The following SLC25A33 variants were observed in gnomAD, a reference collection of about 807,000 sequenced individuals.
SLC25A33 encodes solute carrier family 25 member 33, also known as bone marrow stromal cell mitochondrial carrier protein.
In SLC25A33, 15 loss-of-function variants were observed where a neutral mutation model predicts 35.5. The ratio of observed to expected loss-of-function variants is 0.42; its 90% confidence interval spans 0.28 to 0.65. The LOEUF (loss-of-function observed/expected upper bound fraction) is 0.65. Ranked by LOEUF, SLC25A33 falls within the 30% of genes least tolerant of loss-of-function variation. The pLI, the probability that SLC25A33 is intolerant of heterozygous loss-of-function variation, is 0.20. For missense variants in SLC25A33, 257 were observed against 398.5 expected, an observed-to-expected ratio of 0.64 and a Z score of 3.02; for synonymous variants, 136 against 148.7, an observed-to-expected ratio of 0.91 and a Z score of 0.62.
intron 1 of SLC25A33, among the ~76,000 whole-genome samples, chr1:9,545,309 G>A (rs756378972): frequency 4.6e-5 from 7 of 151,910 alleles, no homozygotes; most frequent in Admixed American, 6.6e-5. Context: ...TCTGCCTCCC[G>A]GCTTCAAGTG....
intron 1 of SLC25A33, among the ~76,000 whole-genome samples, chr1:9,548,079 T>C (rs1166296970): frequency 1.3e-5 from 2 of 152,096 alleles, no homozygotes; most frequent in Non-Finnish European, 2.9e-5. Flanking sequence ...TTCACCATGT[T>C]GCCCAAGCTG....
chr1:9,569,066 T>G (rs1471366597), intron 3 of SLC25A33, among the ~76,000 whole-genome samples: 1 of 151,726 alleles, frequency 6.6e-6, no homozygotes, highest in Non-Finnish European at 1.5e-5. Flanking sequence ...GCCAACATAG[T>G]GAAACCCCAT....
chr1:9,565,435 G>A (rs1643486979), intron 2 of SLC25A33, among the ~76,000 whole-genome samples: 1 of 151,642 alleles, frequency 6.6e-6, no homozygotes, highest in Non-Finnish European at 1.5e-5. Context: ...AGAATGGCAT[G>A]AACCTGGGAG....
chr1:9,543,260 C>A (rs1643121126), intron 1 of SLC25A33, among the ~76,000 whole-genome samples: 1 of 152,118 alleles, frequency 6.6e-6, no homozygotes, highest in South Asian at 2.1e-4. Flanking sequence ...TCTCTTGCCT[C>A]AGCCTCCTGA....
chr1:9,551,736 C>T (rs1031260153), intron 1 of SLC25A33, among the ~76,000 whole-genome samples: 4 of 152,058 alleles, frequency 2.6e-5, no homozygotes, highest in South Asian at 2.1e-4. Context: ...AAGACATTTT[C>T]GTTGAAATCT....
At chr1:9,564,467 C>G (rs1187059673) in intron 2 of SLC25A33, among the ~76,000 whole-genome samples, 2 of 152,012 alleles carry the variant, frequency 1.3e-5, no homozygotes, top group Non-Finnish European at 2.9e-5. Flanking sequence ...TATTTGTACA[C>G]CCATGTTTAT....
chr1:9,564,739 A>AAAAAATATATAT (rs60174872), intron 2 of SLC25A33, among the ~76,000 whole-genome samples: 11 of 96,580 alleles, frequency 1.1e-4, no homozygotes, highest in African/African-American at 4.9e-4. Flanking sequence ...AAAAAAAAAA[A>AAAAAATATATAT]ATATATATAT....
rs1569886823 is a variant in SLC25A33, at chr1:9,584,076, G to T, written c.*1575G>T. 6.6e-6 allele frequency: 1 copy of T among 151,732 alleles called. No individual in the cohort carries two copies. The highest frequency in any genetic ancestry group is 1.5e-5 in the Non-Finnish European group (1 of 67,988). 9.4% of individuals were successfully genotyped at this position (151,732 alleles called of 1,614,324 possible). On this transcript the variant is annotated 3_prime_UTR_variant, in exon 7 of 7. Coordinates refer to ENST00000302692, the MANE Select transcript of SLC25A33 (RefSeq NM_032315.3). Reference sequence around the variant, plus strand: ...GGGAACAAAAAGATGATACTAAGAAGAAGGCAAGTAAAACCCCTAGTCTTC... The same window carrying T: ...GGGAACAAAAAGATGATACTAAGAATAAGGCAAGTAAAACCCCTAGTCTTC...
At chr1:9,581,810 A>C (rs1246552795) in intron 6 of SLC25A33, among the ~76,000 whole-genome samples, 2 of 152,158 alleles carry the variant, frequency 1.3e-5, no homozygotes, top group East Asian at 3.8e-4. Flanking sequence ...GAGTTGGAAA[A>C]GGTTCTAAAA....
rs993545634 is a variant in SLC25A33, at chr1:9,582,071, T to A, written c.764-228T>A. On this transcript the variant is annotated intron_variant, in intron 6 of 6. Coordinates refer to ENST00000302692, the MANE Select transcript of SLC25A33 (RefSeq NM_032315.3). This position sits in a 1 kb window ranked among gnomAD's most constrained non-coding sequence, Gnocchi z 4.0. Reference sequence around the variant, plus strand: ...CTCTAGTAGTAGGCGTGCACCACCTTGCCTGGCTAATTTTTGTTTTTCAGT... The same window carrying A: ...CTCTAGTAGTAGGCGTGCACCACCTAGCCTGGCTAATTTTTGTTTTTCAGT... Among the ~76,000 whole-genome samples the A allele has an allele frequency of 6.6e-6, 1 of 152,076 alleles. No individual in the cohort carries two copies. Among genetic ancestry groups the A allele is most frequent in the Non-Finnish European group, 1.5e-5 (1 of 68,008 alleles).
intron 5 of SLC25A33, chr1:9,576,416 C>CAT: frequency 2.7e-6 from 1 of 367,302 alleles, no homozygotes; most frequent in South Asian, 2.1e-5. Flanking sequence ...TTTGCCGTGT[C>CAT]TACTGTGAAA....
chr1:9,546,635 G>C (rs570910499), intron 1 of SLC25A33, among the ~76,000 whole-genome samples: 1 of 152,240 alleles, frequency 6.6e-6, no homozygotes, highest in South Asian at 2.1e-4. Flanking sequence ...ATTTATGTTA[G>C]TAAAACTCTT....
Position 9,579,946 on chromosome 1 carries a change from T to C in SLC25A33, c.483-8T>C. 3 of 1,609,478 alleles carry C rather than the reference T, an allele frequency of 1.9e-6. No homozygotes were observed. The highest frequency in any genetic ancestry group is 2.5e-6 in the Non-Finnish European group (3 of 1,178,194). On this transcript the variant is annotated splice_region_variant and splice_polypyrimidine_tract_variant and intron_variant, in intron 5 of 6. Coordinates refer to ENST00000302692, the MANE Select transcript of SLC25A33 (RefSeq NM_032315.3). ...CCTTAACAGCCTGTGTTGGTCTCTT[T>C]TATGCAGAGTGAGGGGCTCTAAGCA...
chr1:9,566,665 G>T (rs1643510407), intron 2 of SLC25A33, among the ~76,000 whole-genome samples: 1 of 151,980 alleles, frequency 6.6e-6, no homozygotes, highest in Non-Finnish European at 1.5e-5. Flanking sequence ...TGACCAGCAT[G>T]GAGAAACCCC....
rs905781581 is a variant in SLC25A33, at chr1:9,539,719, A to G, written c.28A>G (p.Asn10Asp). Residue 10 changes from asparagine to aspartate, a missense_variant, in exon 1 of 7, where the codon AAC (asparagine) becomes GAC (aspartate). Physicochemically the swap from Asn to Asp is conservative, Grantham distance 23. Transcript: ENST00000302692. ...GGCGACGGGCGGCCAGCAGAAGGAG[A>G]ACACGCTGCTTCACCTCTTCGCCGG... MATGGQQKE[N>D]TLLHLFAGGC... The G allele has an allele frequency of 6.4e-6, 9 of 1,409,522 alleles. No homozygotes were observed. The highest frequency in any genetic ancestry group is 7.4e-6 in the Non-Finnish European group (8 of 1,080,878). 87.3% of individuals were successfully genotyped at this position (1,409,522 alleles called of 1,614,324 possible).
chr1:9,580,065 C>T lies in SLC25A33; in HGVS notation c.594C>T (p.Ser198=), dbSNP rs1456644365. 3.1e-6 allele frequency: 5 copies of T among 1,612,880 alleles called. No individual in the cohort carries two copies. The highest frequency in any genetic ancestry group is 4.2e-6 in the Non-Finnish European group (5 of 1,179,218). ...RGLTASYAGI[S]ETIICFAIYE... The stretch of plus-strand genomic sequence containing the variant: ...TAACTGCCTCGTATGCTGGAATTTC[C>T]GAAACTATAATCTGCTTTGCTATTT... The change falls in exon 6 of 7, where the codon TCC becomes TCT. Residue 198 remains serine (S), a synonymous_variant. Coordinates refer to ENST00000302692, the MANE Select transcript of SLC25A33 (RefSeq NM_032315.3).
chr1:9,568,121 G>A (rs1643536562), intron 3 of SLC25A33, among the ~76,000 whole-genome samples: 2 of 152,186 alleles, frequency 1.3e-5, no homozygotes, highest in Admixed American at 6.6e-5. Flanking sequence ...GACAGATAGA[G>A]AATAGCATAT....
At chr1:9,573,940 T>TA (rs1485570362) in intron 5 of SLC25A33, among the ~76,000 whole-genome samples, 5 of 152,064 alleles carry the variant, frequency 3.3e-5, no homozygotes, top group African/African-American at 1.2e-4. Context: ...AGGCCCTTTT[T>TA]AGAATAATGT....
At chr1:9,543,118 C>T (rs541880397) in intron 1 of SLC25A33, among the ~76,000 whole-genome samples, 3 of 151,328 alleles carry the variant, frequency 2.0e-5, no homozygotes, top group Admixed American at 6.6e-5. Context: ...CCACGCCCTG[C>T]GTGAAAAAGT....
Sources: gnomAD v4.1 joint callset for allele counts (sites outside exome capture counted in the v4.1 genomes callset) on GRCh38, gnomAD v4.1.1 for gene constraint, Gnocchi (gnomAD v3.1) non-coding constraint, MANE v1.5 for transcripts, NCBI Gene and HGNC (gene_info 2026-07-23, HGNC 2026-07-21) for gene names.